PTPRN2: variants seen among roughly 807,000 people sequenced by gnomAD.
PTPRN2 encodes receptor-type tyrosine-protein phosphatase N2.
A neutral mutation model predicts 118.8 loss-of-function variants in PTPRN2; 74 were observed. The observed-to-expected ratio is 0.62, with a 90% confidence interval of 0.52 to 0.76. The LOEUF is 0.76. Ranked by LOEUF, PTPRN2 falls within the 30% of genes least tolerant of loss-of-function variation. The probability of loss-of-function intolerance (pLI) is 0.00; values close to 1 mark genes in which losing one functional copy is unlikely to be tolerated. For synonymous variants in PTPRN2, 641 were observed against 608.0 expected (o/e 1.05, Z -0.80); for missense variants, 1,481 against 1,394.4 (o/e 1.06, Z -0.99).
chr7:157,588,039 T>C (rs566869289), intron 17 of PTPRN2, among the ~76,000 whole-genome samples: 16 of 144,784 alleles, frequency 1.1e-4, no homozygotes, highest in East Asian at 4.1e-4. Context: ...TGGGCTCCCG[T>C]GGTGGCTGTC....
At chr7:157,998,503 A>G (rs1486096464) in intron 11 of PTPRN2, among the ~76,000 whole-genome samples, 2 of 152,188 alleles carry the variant, frequency 1.3e-5, no homozygotes, top group Non-Finnish European at 2.9e-5. Context: ...CAGAGTCTAA[A>G]TGTAGACCGA....
chr7:158,560,760 C>A (rs1827329840), intron 1 of PTPRN2, among the ~76,000 whole-genome samples: 1 of 152,194 alleles, frequency 6.6e-6, no homozygotes, highest in Non-Finnish European at 1.5e-5. Context: ...AAGTTAGAGC[C>A]AAAGATATTT....
At chr7:158,139,981 A>ACAGGAAGTGCTGGGAGGAACCAAGG (rs1554553723) in intron 6 of PTPRN2, among the ~76,000 whole-genome samples, 1 of 116,450 alleles carries the variant, frequency 8.6e-6, no homozygotes. Context: ...GGGCCTGCAC[A>ACAGGAAGTGCTGGGAGGAACCAAGG]CAGGCTGAAG....
intron 11 of PTPRN2, among the ~76,000 whole-genome samples, chr7:157,914,378 T>A (rs1325050105): frequency 6.6e-6 from 1 of 152,198 alleles, no homozygotes; most frequent in Non-Finnish European, 1.5e-5. Context: ...TCTGCCACTG[T>A]ATCTTCAAAT....
intron 12 of PTPRN2, among the ~76,000 whole-genome samples, chr7:157,877,378 C>T (rs910780082): frequency 1.3e-5 from 2 of 149,284 alleles, no homozygotes; most frequent in Admixed American, 6.7e-5. Flanking sequence ...AGAGTTTTCT[C>T]GGGGACCCGA....
chr7:158,571,008 T>TGGCAGGAGCCGCACC (rs1483538331), intron 1 of PTPRN2, among the ~76,000 whole-genome samples: 1 of 152,248 alleles, frequency 6.6e-6, no homozygotes, highest in East Asian at 1.9e-4. Context: ...GCTGACGCAC[T>TGGCAGGAGCCGCACC]GGCAGGAGCC....
chr7:157,948,861 G>A (rs4716822), intron 11 of PTPRN2, among the ~76,000 whole-genome samples: 17,933 of 152,152 alleles, frequency 0.12, 1,819 homozygotes, highest in East Asian at 0.46. Context: ...AAAACAAGAT[G>A]TGTTTGAATC....
chr7:158,495,947 T>C (rs962132242), intron 1 of PTPRN2, among the ~76,000 whole-genome samples: 1 of 151,908 alleles, frequency 6.6e-6, no homozygotes, highest in Admixed American at 6.5e-5. Flanking sequence ...CCCAGATCTG[T>C]CTCTGACAAG....
At chr7:157,562,465 G>A (rs1404944749) in intron 21 of PTPRN2, among the ~76,000 whole-genome samples, 1 of 152,196 alleles carries the variant, frequency 6.6e-6, no homozygotes, top group African/African-American at 2.4e-5. Context: ...TTGTCATGCA[G>A]CTAGTACAAC....
At chr7:158,007,684 T>C (rs921564174) in intron 11 of PTPRN2, among the ~76,000 whole-genome samples, 8 of 152,136 alleles carry the variant, frequency 5.3e-5, no homozygotes, top group Non-Finnish European at 1.0e-4. Context: ...GTCCCTATGC[T>C]GTGTGCACGT....
In PTPRN2 at chr7:158,199,803, A is replaced by G. The variant is rs560442971; in HGVS notation, c.380+5368T>C. The stretch of plus-strand genomic sequence containing the variant: ...GCCCAGGGTCCATCTGGTGAAGGGC[A>G]CAGGCAGGCACTAGGGGAGCCTGGT... On this transcript the variant is annotated intron_variant, in intron 4 of 22. Transcript: ENST00000389418. 2.6e-5 allele frequency among the ~76,000 whole-genome samples: 3 copies of G among 117,464 alleles called. No homozygotes were observed. In the South Asian group the frequency reaches 7.8e-4, roughly 30 times the overall value. 77.1% of individuals were successfully genotyped at this position (117,464 alleles called of 152,430 possible).
At chr7:157,767,902 C>G (rs558583518) in intron 12 of PTPRN2, among the ~76,000 whole-genome samples, 1 of 152,294 alleles carries the variant, frequency 6.6e-6, no homozygotes, top group South Asian at 2.1e-4. Context: ...GCAGGTAGGA[C>G]TTAGGAGGCA....
intron 2 of PTPRN2, among the ~76,000 whole-genome samples, chr7:158,444,581 C>G (rs1486971305): frequency 6.6e-6 from 1 of 152,228 alleles, no homozygotes; most frequent in Non-Finnish European, 1.5e-5. Flanking sequence ...GACACAGCAC[C>G]AAGACCCCCC....
chr7:157,832,940 C>T (rs1807664524), intron 12 of PTPRN2, among the ~76,000 whole-genome samples: 1 of 152,254 alleles, frequency 6.6e-6, no homozygotes. Context: ...TGGCGGGATT[C>T]TCCAGGAGGT....
rs1173102579 is a variant in PTPRN2 at position 158,089,867 on chromosome 7, C to T, written c.1644-8490G>A. ...ATGAAAGAGGGAGTCTTCACACAAA[C>T]CCTTCCTCCCCTGACGAAAGAGGGA... On this transcript the variant is annotated intron_variant, in intron 10 of 22. Transcript: ENST00000389418. Among the ~76,000 whole-genome samples, 39 of 46,998 alleles carry T rather than the reference C, an allele frequency of 8.3e-4. 3 individuals carry two copies. The highest frequency in any genetic ancestry group is 1.5e-3 in the African/African-American group (25 of 16,386). The allele number at this position is 46,998 out of a possible 152,430, so 30.8% of individuals were successfully genotyped here.
At chr7:158,119,218 A>G (rs1015021155) in intron 9 of PTPRN2, among the ~76,000 whole-genome samples, 1 of 152,248 alleles carries the variant, frequency 6.6e-6, no homozygotes, top group South Asian at 2.1e-4. Flanking sequence ...AAGGACTTGA[A>G]TAGACATTTT....
At chr7:158,366,638 T>G (rs896868404) in intron 2 of PTPRN2, among the ~76,000 whole-genome samples, 5 of 151,876 alleles carry the variant, frequency 3.3e-5, no homozygotes, top group African/African-American at 1.2e-4. Flanking sequence ...CATACACGGC[T>G]GGAAGGACGT....
intron 3 of PTPRN2, among the ~76,000 whole-genome samples, chr7:158,265,225 A>G (rs181849941): frequency 7.0e-4 from 107 of 151,922 alleles, no homozygotes; most frequent in African/African-American, 2.5e-3. Flanking sequence ...CCTGCCATCC[A>G]CTATGCTCCT....
At chr7:157,839,784 T>C (rs887702230) in intron 12 of PTPRN2, among the ~76,000 whole-genome samples, 2 of 151,722 alleles carry the variant, frequency 1.3e-5, no homozygotes, top group African/African-American at 4.8e-5. Flanking sequence ...TAACCATGTG[T>C]GGCTGTGTGG....
Sources: gnomAD v4.1 joint callset for allele counts (sites outside exome capture counted in the v4.1 genomes callset) on GRCh38, gnomAD v4.1.1 for gene constraint, MANE v1.5 for transcripts, NCBI Gene and HGNC (gene_info 2026-07-23, HGNC 2026-07-21) for gene names.